The following POC1A variants were observed in gnomAD, a reference collection of about 807,000 sequenced individuals.
POC1A encodes the protein POC1 centriolar protein homolog A.
In POC1A, 34 loss-of-function variants were observed where a neutral mutation model predicts 47.8. The ratio of observed to expected loss-of-function variants is 0.71; its 90% confidence interval spans 0.54 to 0.95. POC1A has a LOEUF of 0.95. POC1A is among the 40% of genes least tolerant of loss of function. The probability of loss-of-function intolerance (pLI) is 0.00; values close to 1 mark genes in which losing one functional copy is unlikely to be tolerated. For missense variants in POC1A, 466 were observed against 528.3 expected, an observed-to-expected ratio of 0.88 and a Z score of 1.16; for synonymous variants, 177 against 207.6, an observed-to-expected ratio of 0.85 and a Z score of 1.27.
In POC1A at chr3:52,149,352, T is replaced by C; in HGVS notation, c.313A>G (p.Thr105Ala). Residue 105 changes from threonine to alanine, a missense_variant, in exon 4 of 11, where the codon ACA becomes GCA. By Grantham distance (58) the Thr-to-Ala change is moderately conservative. Transcript: ENST00000296484. ...ESTVFRAHTA[T>A]VRSVHFCSDG... Reference sequence around the variant, plus strand: ...CTGCAGAAGTGGACACTCCTCACTGTGGCTGTGTGTGCACGAAACACAGTG... The same window carrying C: ...CTGCAGAAGTGGACACTCCTCACTGCGGCTGTGTGTGCACGAAACACAGTG... 6.2e-7 allele frequency: 1 copy of C among 1,614,174 alleles called. No individual in the cohort carries two copies. The highest frequency in any genetic ancestry group is 8.5e-7 in the Non-Finnish European group (1 of 1,180,030).
intron 1 of POC1A, among the ~76,000 whole-genome samples, chr3:52,153,150 A>G (rs1485023267): frequency 6.6e-6 from 1 of 152,244 alleles, no homozygotes; most frequent in Admixed American, 6.5e-5. Context: ...TACACTTTAA[A>G]AGGTGAATTC....
chr3:52,077,872 G>A (rs1359825129), intron 10 of POC1A, among the ~76,000 whole-genome samples: 1 of 152,042 alleles, frequency 6.6e-6, no homozygotes, highest in East Asian at 1.9e-4. Context: ...ACGTGGGTGA[G>A]GTGCTGGGCC....
chr3:52,146,098 A>G, intron 5 of POC1A, 137 bp from the exon 6 acceptor site: 1 of 612,270 alleles, frequency 1.6e-6, no homozygotes, highest in East Asian at 2.8e-5. Flanking sequence ...TTTCTGTCAC[A>G]CTTGTTTACC....
chr3:52,087,831 C>A (rs1478942711), intron 10 of POC1A, among the ~76,000 whole-genome samples: 1 of 152,224 alleles, frequency 6.6e-6, no homozygotes, highest in Non-Finnish European at 1.5e-5. Flanking sequence ...CCCACTGACA[C>A]TGGGGTGGGT....
intron 7 of POC1A, among the ~76,000 whole-genome samples, chr3:52,128,017 G>A (rs995069819): frequency 6.6e-6 from 1 of 152,040 alleles, no homozygotes; most frequent in Non-Finnish European, 1.5e-5. Context: ...TTTTAATAAT[G>A]AATATATGGC....
chr3:52,151,376 A>C lies in POC1A; in HGVS notation c.19-276T>G, dbSNP rs530791411. 2.6e-5 allele frequency among the ~76,000 whole-genome samples: 4 copies of C among 152,326 alleles called. No individual in the cohort carries two copies. The East Asian group carries it at 7.7e-4, about 29-fold the overall frequency. ...CAAGATACAAAATCAAGACACAAAAATCAATTGTCTTTCTGTACACTAGCA... is the reference window on the plus strand; with the variant it reads ...CAAGATACAAAATCAAGACACAAAACTCAATTGTCTTTCTGTACACTAGCA... On this transcript the variant is annotated intron_variant, in intron 1 of 10. Coordinates refer to ENST00000296484, the MANE Select transcript of POC1A (RefSeq NM_015426.5).
At chr3:52,154,212 G>T in intron 1 of POC1A, 143 bp downstream of exon 1, 1 of 844,356 alleles carries the variant, frequency 1.2e-6, no homozygotes. Flanking sequence ...CGCCCCCTGC[G>T]CAGACAGTAA....
rs1022783405 is a variant in POC1A at position 52,079,333 on chromosome 3, C to T, written c.1126-3348G>A. Among the ~76,000 whole-genome samples the T allele has an allele frequency of 4.6e-5, 7 of 152,240 alleles. No individual in the cohort carries two copies. Among genetic ancestry groups the T allele is most frequent in the African/African-American group, 1.2e-4 (5 of 41,468 alleles). On this transcript the variant is annotated intron_variant, in intron 10 of 10. Coordinates refer to ENST00000296484, the MANE Select transcript of POC1A (RefSeq NM_015426.5). The surrounding 1 kb of genome is among the most constrained non-coding windows in gnomAD (Gnocchi z 4.6). ...AGGCTGCTCTCGTCGCCTCATGCTCCGTCCAGCCCGGGAATTATCCTGCTA... is the reference window on the plus strand; with the variant it reads ...AGGCTGCTCTCGTCGCCTCATGCTCTGTCCAGCCCGGGAATTATCCTGCTA...
chr3:52,139,565 G>A (rs1246235911), intron 6 of POC1A, among the ~76,000 whole-genome samples: 1 of 152,048 alleles, frequency 6.6e-6, no homozygotes, highest in Non-Finnish European at 1.5e-5. Context: ...GCCTCCCCTG[G>A]CCTCCCAATT....
chr3:52,147,308 T>C (rs1698400579), intron 4 of POC1A, among the ~76,000 whole-genome samples: 1 of 152,174 alleles, frequency 6.6e-6, no homozygotes, highest in Non-Finnish European at 1.5e-5. Flanking sequence ...GAGGCAATGT[T>C]ACTTCTGTTT....
chr3:52,096,222 T>A (rs574508942), intron 10 of POC1A, among the ~76,000 whole-genome samples: 198 of 152,348 alleles, frequency 1.3e-3, no homozygotes, highest in African/African-American at 4.5e-3. Context: ...ACTACTCAGT[T>A]CCCTGGCATG....
intron 4 of POC1A, among the ~76,000 whole-genome samples, 173 bp from the exon 5 acceptor site, chr3:52,147,268 C>A (rs1442822331): frequency 6.6e-6 from 1 of 151,514 alleles, no homozygotes; most frequent in Non-Finnish European, 1.5e-5. Flanking sequence ...CCTAATTTGT[C>A]TTTTCAGGAA....
intron 9 of POC1A, among the ~76,000 whole-genome samples, chr3:52,101,578 G>A (rs1355087763): frequency 6.6e-6 from 1 of 152,158 alleles, no homozygotes; most frequent in Admixed American, 6.5e-5. Flanking sequence ...ATAAGAAAGA[G>A]TCAAATGGAA....
At chr3:52,148,401 C>T (rs1698439079) in intron 4 of POC1A, among the ~76,000 whole-genome samples, 1 of 152,222 alleles carries the variant, frequency 6.6e-6, no homozygotes, top group Non-Finnish European at 1.5e-5. Context: ...CTCAATAGTC[C>T]CCAACTTCTG....
Position 52,084,381 on chromosome 3 carries a change from G to A in POC1A, c.1126-8396C>T, listed in dbSNP as rs539657037. 6.6e-6 allele frequency among the ~76,000 whole-genome samples: 1 copy of A among 152,276 alleles called. No homozygotes were observed. Among genetic ancestry groups the A allele is most frequent in the African/African-American group, 2.4e-5 (1 of 41,540 alleles). ...ACTTCTCCAAAACTGAGGAGTTGTGGGACACTCACGACCCGCCTTGGGGGC... is the reference window on the plus strand; with the variant it reads ...ACTTCTCCAAAACTGAGGAGTTGTGAGACACTCACGACCCGCCTTGGGGGC... On this transcript the variant is annotated intron_variant, in intron 10 of 10. Transcript: ENST00000296484. This position sits in a 1 kb window ranked among gnomAD's most constrained non-coding sequence, Gnocchi z 4.3.
chr3:52,147,233 A>ATTT, intron 4 of POC1A, 138 bp from the exon 5 acceptor site: 1 of 478,758 alleles, frequency 2.1e-6, no homozygotes, highest in Non-Finnish European at 3.8e-6. Context: ...CCCTGCTGTG[A>ATTT]TTTTTTTTTT....
In POC1A at chr3:52,151,351, C is replaced by A. The variant is rs749441250; in HGVS notation, c.19-251G>T. ...AAAACAAATGAGTTCAGCAAAGTTG[C>A]AAGATACAAAATCAAGACACAAAAA... On this transcript the variant is annotated intron_variant, in intron 1 of 10. Transcript: ENST00000296484. 1.6e-4 allele frequency among the ~76,000 whole-genome samples: 25 copies of A among 152,074 alleles called. 1 individual carries two copies. The highest frequency in any genetic ancestry group is 4.4e-5 in the Non-Finnish European group (3 of 68,010).
intron 7 of POC1A, among the ~76,000 whole-genome samples, chr3:52,137,499 T>C (rs1309046567): frequency 6.6e-6 from 1 of 152,096 alleles, no homozygotes; most frequent in Non-Finnish European, 1.5e-5. Flanking sequence ...ACGACCGCTC[T>C]GATCAGGAGG....
At chr3:52,154,219 G>T in intron 1 of POC1A, 136 bp downstream of exon 1, 1 of 923,060 alleles carries the variant, frequency 1.1e-6, no homozygotes. Flanking sequence ...TGCGCAGACA[G>T]TAAACTGGAC....
Sources: allele counts gnomAD v4.1 joint callset (sites outside exome capture counted in the v4.1 genomes callset), GRCh38; gene constraint gnomAD v4.1.1; non-coding constraint Gnocchi (gnomAD v3.1); transcripts MANE v1.5; gene names NCBI Gene and HGNC (gene_info 2026-07-23, HGNC 2026-07-21).